Variants in NUMB observed in about 807,000 individuals in gnomAD.
NUMB encodes the protein protein numb homolog.
In NUMB, 29 loss-of-function variants were observed where a neutral mutation model predicts 59.7. The observed-to-expected ratio is 0.49, with a 90% confidence interval of 0.36 to 0.66. The LOEUF is 0.66. Ranked by LOEUF, NUMB falls within the 30% of genes least tolerant of loss-of-function variation. The pLI is 0.00. For synonymous variants in NUMB, 288 were observed against 288.2 expected (o/e 1.00, Z 0.01); for missense variants, 723 against 822.0 (o/e 0.88, Z 1.47).
intron 11 of NUMB, 51 bp downstream of exon 11, chr14:73,282,308 T>G: frequency 6.3e-7 from 1 of 1,595,484 alleles, no homozygotes; most frequent in Non-Finnish European, 8.6e-7. Context: ...AGCAGTGTAC[T>G]AAAAGTACTG....
At chr14:73,419,495 C>T (rs933833680) in intron 1 of NUMB, among the ~76,000 whole-genome samples, 2 of 151,798 alleles carry the variant, frequency 1.3e-5, no homozygotes, top group African/African-American at 4.8e-5. Context: ...GGCGACAGAG[C>T]GAGACTCCAT....
intron 1 of NUMB, among the ~76,000 whole-genome samples, chr14:73,454,615 T>C (rs966696723): frequency 5.3e-5 from 8 of 152,172 alleles, no homozygotes; most frequent in Non-Finnish European, 1.2e-4. Flanking sequence ...TAAAATCACT[T>C]ACCTAAATAA....
In NUMB at chr14:73,425,143, T is replaced by G. The variant is rs570764799; in HGVS notation, c.-232-15075A>C. Reference sequence around the variant, plus strand: ...ACTCCTTGCCAACTTCTATGGTGTCTCTATGACATCTACACAGGTTAAACT... The same window carrying G: ...ACTCCTTGCCAACTTCTATGGTGTCGCTATGACATCTACACAGGTTAAACT... On this transcript the variant is annotated intron_variant, in intron 1 of 12. Coordinates refer to ENST00000555238, the MANE Select transcript of NUMB (RefSeq NM_001005743.2). Among the ~76,000 whole-genome samples the G allele has an allele frequency of 6.0e-5, 9 of 150,778 alleles. No individual in the cohort carries two copies. In the East Asian group the frequency reaches 1.4e-3, roughly 23 times the overall value.
At chr14:73,348,961 C>A (rs1893056004) in intron 4 of NUMB, among the ~76,000 whole-genome samples, 1 of 152,148 alleles carries the variant, frequency 6.6e-6, no homozygotes, top group African/African-American at 2.4e-5. Context: ...TATATGCTCA[C>A]AAGAAATGTC....
chr14:73,352,475 CACATATAT>C (rs1275748246), intron 4 of NUMB, among the ~76,000 whole-genome samples: 2 of 13,718 alleles, frequency 1.5e-4, no homozygotes, highest in African/African-American at 2.4e-4. Flanking sequence ...CACACACACA[CACATATAT>C]ATATATATAT....
At chr14:73,426,058 C>T (rs1412643874) in intron 1 of NUMB, among the ~76,000 whole-genome samples, 1 of 152,046 alleles carries the variant, frequency 6.6e-6, no homozygotes, top group Non-Finnish European at 1.5e-5. Context: ...GATCCACCCA[C>T]CTTGGCCTCC....
At chr14:73,412,813 A>C (rs1276238649) in intron 1 of NUMB, among the ~76,000 whole-genome samples, 1 of 151,760 alleles carries the variant, frequency 6.6e-6, no homozygotes, top group Non-Finnish European at 1.5e-5. Context: ...TTATTTTTTT[A>C]TAAGCAGGGT....
intron 5 of NUMB, among the ~76,000 whole-genome samples, chr14:73,316,662 C>A (rs538673962): frequency 3.3e-4 from 50 of 152,288 alleles, no homozygotes; most frequent in Non-Finnish European, 1.9e-4. Context: ...GAAATCAGAA[C>A]CTGTATCCAT....
chr14:73,441,307 T>C (rs745372829), intron 1 of NUMB, among the ~76,000 whole-genome samples: 13 of 152,096 alleles, frequency 8.5e-5, no homozygotes, highest in Non-Finnish European at 1.5e-4. Context: ...CCCAGTACTT[T>C]GGGAGGCCAA....
At chr14:73,438,588 G>A (rs1457657192) in intron 1 of NUMB, among the ~76,000 whole-genome samples, 5 of 135,172 alleles carry the variant, frequency 3.7e-5, no homozygotes, top group South Asian at 2.2e-4. Context: ...CCGAGATTGC[G>A]ACACTGCACT....
intron 5 of NUMB, 110 bp from the exon 6 acceptor site, chr14:73,316,532 A>C: frequency 1.0e-6 from 1 of 968,468 alleles, no homozygotes; most frequent in Non-Finnish European, 1.6e-6. Context: ...AAGTGGGAGA[A>C]GGGGTGGGAG....
chr14:73,397,795 G>A (rs1379556898), intron 2 of NUMB, among the ~76,000 whole-genome samples: 1 of 152,088 alleles, frequency 6.6e-6, no homozygotes, highest in Non-Finnish European at 1.5e-5. Flanking sequence ...GTCTATAAAG[G>A]TTTGGATTAA....
chr14:73,316,538 G>T, intron 5 of NUMB, 116 bp from the exon 6 acceptor site: 1 of 915,374 alleles, frequency 1.1e-6, no homozygotes, highest in Non-Finnish European at 1.8e-6. Flanking sequence ...GAGAAGGGGT[G>T]GGAGTGAGTT....
intron 2 of NUMB, among the ~76,000 whole-genome samples, chr14:73,399,401 TA>T (rs1390100205): frequency 2.0e-5 from 3 of 152,004 alleles, no homozygotes; most frequent in African/African-American, 7.3e-5. Context: ...CTGTCTCTAC[TA>T]AAAATACAAA....
At chr14:73,345,451 A>T (rs770448166) in intron 4 of NUMB, among the ~76,000 whole-genome samples, 1 of 152,208 alleles carries the variant, frequency 6.6e-6, no homozygotes, top group African/African-American at 2.4e-5. Flanking sequence ...CAATTTACCC[A>T]TGTAACAAAC....
chr14:73,291,235 CA>C (rs1156290471), intron 8 of NUMB, among the ~76,000 whole-genome samples: 1 of 151,714 alleles, frequency 6.6e-6, no homozygotes, highest in Non-Finnish European at 1.5e-5. Context: ...CACCCGCCAC[CA>C]CAGCCGGCTA....
At chr14:73,297,744 C>G (rs1889873700) in intron 6 of NUMB, 1 of 155,260 alleles carries the variant, frequency 6.4e-6, no homozygotes, top group South Asian at 2.0e-4. Context: ...ATTCTACTAT[C>G]CTATGACCCC....
chr14:73,452,662 C>A (rs1884070294), intron 1 of NUMB, among the ~76,000 whole-genome samples: 2 of 152,280 alleles, frequency 1.3e-5, no homozygotes, highest in East Asian at 3.9e-4. Flanking sequence ...GGGGTCTCTT[C>A]CTAATCCCAT....
chr14:73,390,638 CTTTTTTTTTTT>C (rs55831976), intron 2 of NUMB, among the ~76,000 whole-genome samples: 23 of 39,412 alleles, frequency 5.8e-4, no homozygotes, highest in South Asian at 2.9e-3. Context: ...AAAACAAAGT[CTTTTTTTTTTT>C]TTTTTTTTTT....
Sources: gnomAD v4.1 joint callset for allele counts (sites outside exome capture counted in the v4.1 genomes callset) on GRCh38, gnomAD v4.1.1 for gene constraint, MANE v1.5 for transcripts, NCBI Gene and HGNC (gene_info 2026-07-23, HGNC 2026-07-21) for gene names.